Variants in BCKDHB observed in about 807,000 individuals in gnomAD.
BCKDHB encodes branched chain keto acid dehydrogenase E1 subunit beta, also known as 2-oxoisovalerate dehydrogenase subunit beta, mitochondrial.
BCKDHB carries 41 observed loss-of-function variants against 48.5 expected under a neutral mutation model. The ratio of observed to expected loss-of-function variants is 0.85; its 90% CI spans 0.66 to 1.10. The LOEUF (loss-of-function observed/expected upper bound fraction) is 1.10. Among genes scored for constraint, BCKDHB ranks in the 50% least tolerant of loss-of-function variants. The pLI is 0.00. For missense variants in BCKDHB, 496 were observed against 494.2 expected (o/e 1.00, Z -0.03); for synonymous variants, 201 against 174.8 (o/e 1.15, Z -1.18).
rs1222376440 is a variant in BCKDHB at position 80,345,286 on chromosome 6, A to G, written c.*1482A>G. On this transcript the variant is annotated 3_prime_UTR_variant, in exon 10 of 10. Transcript: ENST00000320393. The stretch of plus-strand genomic sequence containing the variant: ...TACCTTTTAATATCTAGTTTTTCCA[A>G]AAATGATAGTAATATCTTTTGAAGA... The G allele has an allele frequency of 6.6e-6, 1 of 152,204 alleles. No individual in the cohort carries two copies. The highest frequency in any genetic ancestry group is 1.5e-5 in the Non-Finnish European group (1 of 68,044). 9.4% of individuals were successfully genotyped at this position (152,204 alleles called of 1,614,324 possible).
intron 8 of BCKDHB, among the ~76,000 whole-genome samples, chr6:80,269,385 A>G (rs1052469658): frequency 2.0e-5 from 3 of 152,158 alleles, no homozygotes; most frequent in African/African-American, 7.2e-5. Flanking sequence ...GCCTTTCAGG[A>G]CTGTTTTTAA....
chr6:80,203,345 C>A, intron 8 of BCKDHB, 133 bp downstream of exon 8: 1 of 702,240 alleles, frequency 1.4e-6, no homozygotes, highest in Non-Finnish European at 2.5e-6. Flanking sequence ...TTTAAATTTG[C>A]AGCATGAAAG....
the BCKDHB span, among the ~76,000 whole-genome samples, chr6:80,417,648 T>C: frequency 1.3e-5 from 2 of 152,236 alleles, no homozygotes; most frequent in Admixed American, 1.3e-4. Context: ...TTTAAGAATG[T>C]TGAATATTGT....
the BCKDHB span, among the ~76,000 whole-genome samples, chr6:80,413,390 A>T: frequency 6.6e-6 from 1 of 152,138 alleles, no homozygotes; most frequent in African/African-American, 2.4e-5. Context: ...ATATTATTTC[A>T]TCATTCACAT....
the BCKDHB span, among the ~76,000 whole-genome samples, chr6:80,446,962 C>T: frequency 1.3e-5 from 2 of 151,922 alleles, no homozygotes; most frequent in Non-Finnish European, 2.9e-5. Context: ...GGCTAATGCC[C>T]TCTGGATTTA....
chr6:80,414,904 A>G, the BCKDHB span, among the ~76,000 whole-genome samples: 4 of 151,946 alleles, frequency 2.6e-5, no homozygotes, highest in South Asian at 8.3e-4. Context: ...ATGTTTTTTC[A>G]TTGGTTTGTG....
chr6:80,419,702 A>T, the BCKDHB span, among the ~76,000 whole-genome samples: 1 of 152,206 alleles, frequency 6.6e-6, no homozygotes, highest in African/African-American at 2.4e-5. Context: ...CCAGAGGTCC[A>T]TGGTGAGATA....
At chr6:80,216,332 C>G (rs1217669176) in intron 8 of BCKDHB, among the ~76,000 whole-genome samples, 1 of 152,116 alleles carries the variant, frequency 6.6e-6, no homozygotes, top group Non-Finnish European at 1.5e-5. Flanking sequence ...TATCATATGT[C>G]AGGAATTTTC....
chr6:80,266,975 A>G (rs1219197576), intron 8 of BCKDHB, among the ~76,000 whole-genome samples: 2 of 152,030 alleles, frequency 1.3e-5, no homozygotes, highest in South Asian at 2.1e-4. Context: ...AGGAGATAGT[A>G]TAGAGACCAC....
intron 9 of BCKDHB, among the ~76,000 whole-genome samples, chr6:80,295,534 A>T (rs546394559): frequency 2.6e-5 from 4 of 151,934 alleles, no homozygotes; most frequent in African/African-American, 9.7e-5. Flanking sequence ...TATGGGAGCT[A>T]CAGTTCAAGA....
chr6:80,357,863 C>G, the BCKDHB span, among the ~76,000 whole-genome samples: 2 of 152,154 alleles, frequency 1.3e-5, no homozygotes, highest in Non-Finnish European at 2.9e-5. Flanking sequence ...TCCTGTTTGC[C>G]AACTTACATC....
At chr6:80,180,347 A>G (rs780633715) in intron 6 of BCKDHB, among the ~76,000 whole-genome samples, 5 of 152,218 alleles carry the variant, frequency 3.3e-5, no homozygotes, top group Non-Finnish European at 7.4e-5. Context: ...ATGTTTAGAA[A>G]AGGTAGATAA....
intron 9 of BCKDHB, among the ~76,000 whole-genome samples, chr6:80,279,404 C>T (rs1452600813): frequency 1.3e-5 from 2 of 152,144 alleles, no homozygotes; most frequent in Non-Finnish European, 2.9e-5. Context: ...GATCCTCCTG[C>T]CTCTTCCTTC....
At chr6:80,462,498 T>C in the BCKDHB span, among the ~76,000 whole-genome samples, 1 of 152,222 alleles carries the variant, frequency 6.6e-6, no homozygotes, top group Non-Finnish European at 1.5e-5. Flanking sequence ...TGCCTTCAGC[T>C]CACATCCAGA....
At chr6:80,249,232 C>T (rs1447364655) in intron 8 of BCKDHB, among the ~76,000 whole-genome samples, 1 of 151,612 alleles carries the variant, frequency 6.6e-6, no homozygotes, top group Non-Finnish European at 1.5e-5. Context: ...GCTAAATGTT[C>T]CTTGGGCTAG....
At chr6:80,385,263 A>G in the BCKDHB span, among the ~76,000 whole-genome samples, 23 of 152,190 alleles carry the variant, frequency 1.5e-4, no homozygotes, top group Non-Finnish European at 2.8e-4. Flanking sequence ...CTTATCTCCC[A>G]TGGAGAAAGA....
Position 80,174,169 on chromosome 6 carries a change from A to G in BCKDHB, c.742+2779A>G, listed in dbSNP as rs140275359. On this transcript the variant is annotated intron_variant, in intron 6 of 9. Coordinates refer to ENST00000320393, the MANE Select transcript of BCKDHB (RefSeq NM_183050.4). ...TACATTTGGGAATAGTTAAAATTGAATGGATGAAAACACAAAATTGTACAT... is the reference window on the plus strand; with the variant it reads ...TACATTTGGGAATAGTTAAAATTGAGTGGATGAAAACACAAAATTGTACAT... Among the ~76,000 whole-genome samples, 689 of 152,254 alleles carry G rather than the reference A, an allele frequency of 4.5e-3. 1 individual carries two copies. The highest frequency in any genetic ancestry group is 6.9e-3 in the African/African-American group (287 of 41,558).
At chr6:80,383,865 A>C in the BCKDHB span, among the ~76,000 whole-genome samples, 3 of 152,132 alleles carry the variant, frequency 2.0e-5, no homozygotes, top group Non-Finnish European at 2.9e-5. Context: ...TTTTATATAC[A>C]TTCTATCTTA....
At chr6:80,347,003 G>GA (rs201565085), downstream of BCKDHB, among the ~76,000 whole-genome samples, 605 of 143,408 alleles carry the variant, frequency 4.2e-3, no homozygotes, top group African/African-American at 0.013. Flanking sequence ...AAAGCAAAAA[G>GA]AAAAAAAAAA....
Sources: allele counts gnomAD v4.1 joint callset (sites outside exome capture counted in the v4.1 genomes callset), GRCh38; gene constraint gnomAD v4.1.1; transcripts MANE v1.5; gene names NCBI Gene and HGNC (gene_info 2026-07-23, HGNC 2026-07-21).